Variants in RAB7A observed in about 807,000 individuals in gnomAD.
RAB7A encodes the protein ras-related protein Rab-7a.
A neutral mutation model predicts 24.5 loss-of-function variants in RAB7A; 2 were observed. The observed-to-expected ratio is 0.08, with a 90% CI of 0.03 to 0.26. The LOEUF is 0.26. Ranked by LOEUF, RAB7A falls within the 10% of genes least tolerant of loss-of-function variation. The pLI, the probability that RAB7A is intolerant of heterozygous loss-of-function variation, is 1.00. For missense variants in RAB7A, 118 were observed against 255.7 expected (o/e 0.46, Z 3.67); for synonymous variants, 100 against 95.9 (o/e 1.04, Z -0.25).
intron 1 of RAB7A, among the ~76,000 whole-genome samples, chr3:128,785,682 G>C (rs946143112): frequency 6.7e-6 from 1 of 148,936 alleles, no homozygotes; most frequent in African/African-American, 2.5e-5. Context: ...CCTGGAGGGG[G>C]AAGTTGCAGT....
At chr3:128,736,382 T>C (rs535762140) in intron 1 of RAB7A, among the ~76,000 whole-genome samples, 2 of 152,366 alleles carry the variant, frequency 1.3e-5, no homozygotes, top group African/African-American at 4.8e-5. Flanking sequence ...CAGACTAGTC[T>C]GTTTCTTTTG....
intron 1 of RAB7A, among the ~76,000 whole-genome samples, chr3:128,763,509 G>A (rs1336436106): frequency 1.3e-5 from 2 of 152,142 alleles, no homozygotes; most frequent in African/African-American, 4.8e-5. Context: ...GAGCCACCAA[G>A]CCCGGCCTAG....
chr3:128,763,875 C>CCCG (rs1553718995), intron 1 of RAB7A, among the ~76,000 whole-genome samples: 2 of 120,072 alleles, frequency 1.7e-5, no homozygotes, highest in African/African-American at 5.9e-5. Context: ...CCCCCCCCCC[C>CCCG]GCCCCTGCTT....
chr3:128,781,778 C>A lies in RAB7A; in HGVS notation c.-8-13582C>A, dbSNP rs182195309. ...ACTGTAATCCCAGCACTTTGGGAGGCCGAGGCGCTGAATTACCTGAGGCCA... is the reference window on the plus strand; with the variant it reads ...ACTGTAATCCCAGCACTTTGGGAGGACGAGGCGCTGAATTACCTGAGGCCA... On this transcript the variant is annotated intron_variant, in intron 1 of 5. Coordinates refer to ENST00000265062, the MANE Select transcript of RAB7A (RefSeq NM_004637.6). Among the ~76,000 whole-genome samples, 12 of 152,208 alleles carry A rather than the reference C, an allele frequency of 7.9e-5. No individual in the cohort carries two copies. In the East Asian group the frequency reaches 2.3e-3, roughly 29 times the overall value.
chr3:128,799,727 A>G (rs1172796988), intron 3 of RAB7A, among the ~76,000 whole-genome samples: 1 of 152,202 alleles, frequency 6.6e-6, no homozygotes, highest in Non-Finnish European at 1.5e-5. Context: ...TTGGCCCAAG[A>G]AATTGGCAAA....
At chr3:128,732,732 C>T (rs752996613) in intron 1 of RAB7A, among the ~76,000 whole-genome samples, 3 of 152,104 alleles carry the variant, frequency 2.0e-5, no homozygotes, top group Non-Finnish European at 4.4e-5. Flanking sequence ...GAGGCTGAGA[C>T]GGGAGGATCA....
intron 1 of RAB7A, among the ~76,000 whole-genome samples, chr3:128,776,986 A>ACACACACC (rs1471733251): frequency 7.6e-6 from 1 of 132,104 alleles, no homozygotes; most frequent in Non-Finnish European, 1.7e-5. Context: ...ACACACACAC[A>ACACACACC]CCCCTATTAG....
chr3:128,765,151 G>C (rs999664009), intron 1 of RAB7A: 15 of 699,482 alleles, frequency 2.1e-5, no homozygotes, highest in Non-Finnish European at 3.9e-5. Flanking sequence ...GGTGGGGGAC[G>C]AGCGCTGGGT....
chr3:128,782,643 G>T (rs956320998), intron 1 of RAB7A, among the ~76,000 whole-genome samples: 2 of 126,708 alleles, frequency 1.6e-5, no homozygotes, highest in Admixed American at 2.0e-4. Flanking sequence ...ATGCAGGGCT[G>T]TCAGCAGAAT....
intron 1 of RAB7A, among the ~76,000 whole-genome samples, chr3:128,754,057 G>A (rs527539007): frequency 5.5e-4 from 83 of 152,144 alleles, no homozygotes; most frequent in Non-Finnish European, 7.5e-4. Flanking sequence ...CCTTCATGAA[G>A]GAAGTCATGA....
chr3:128,798,820 TTAAAAA>T (rs1933633756), intron 3 of RAB7A: 31 of 167,820 alleles, frequency 1.8e-4, no homozygotes, highest in Middle Eastern at 2.2e-3. Context: ...GTCTCTAAAT[TTAAAAA>T]AAAAAAAAAA....
At chr3:128,743,790 CTCTTT>C (rs1408328481) in intron 1 of RAB7A, among the ~76,000 whole-genome samples, 3 of 140,692 alleles carry the variant, frequency 2.1e-5, no homozygotes, top group Admixed American at 1.4e-4. Flanking sequence ...ATTTCTCTCT[CTCTTT>C]TTTTTTTTTT....
intron 1 of RAB7A, among the ~76,000 whole-genome samples, chr3:128,741,268 T>C (rs974400983): frequency 2.0e-5 from 3 of 152,176 alleles, no homozygotes; most frequent in Non-Finnish European, 4.4e-5. Flanking sequence ...GTTTGGCTGA[T>C]GGCATGTTTT....
chr3:128,767,559 G>A (rs958319809), intron 1 of RAB7A, among the ~76,000 whole-genome samples: 3 of 152,228 alleles, frequency 2.0e-5, no homozygotes, highest in African/African-American at 7.2e-5. Flanking sequence ...TATGGCTGGG[G>A]CTAAACCAGA....
At chr3:128,792,820 TA>T (rs1553721720) in intron 1 of RAB7A, among the ~76,000 whole-genome samples, 26 of 24,518 alleles carry the variant, frequency 1.1e-3, no homozygotes, top group Non-Finnish European at 5.0e-4. Context: ...AGCTAATTTT[TA>T]TTTATTTATT....
At position 128,803,864 on chromosome 3, in the gene RAB7A, AAC is replaced by A. The variant is rs548524400; in HGVS notation, c.181-2506_181-2505del. 2.1e-3 allele frequency among the ~76,000 whole-genome samples: 318 copies of A among 152,354 alleles called. 13 individuals are homozygous for A. The highest frequency in any genetic ancestry group is 0.02 in the Admixed American group (313 of 15,302). On this transcript the variant is annotated intron_variant, in intron 3 of 5. Coordinates refer to ENST00000265062, the MANE Select transcript of RAB7A (RefSeq NM_004637.6). ...ACTCTTGGAAAAAACGGATAAAAAT[AAC>A]AGTGTTAATTTTTGTCACATCAGAA...
intron 1 of RAB7A, among the ~76,000 whole-genome samples, chr3:128,737,109 C>T (rs2070497016): frequency 6.6e-6 from 1 of 151,722 alleles, no homozygotes; most frequent in East Asian, 1.9e-4. Flanking sequence ...GCGATCTTGG[C>T]TCACTGCAAG....
intron 1 of RAB7A, among the ~76,000 whole-genome samples, chr3:128,774,016 G>C (rs950240544): frequency 2.2e-4 from 33 of 147,428 alleles, no homozygotes; most frequent in African/African-American, 5.0e-4. Flanking sequence ...GACCTTCCCT[G>C]CACTATTGTC....
intron 1 of RAB7A, among the ~76,000 whole-genome samples, chr3:128,788,936 G>A (rs144374302): frequency 5.5e-4 from 83 of 152,280 alleles, no homozygotes; most frequent in African/African-American, 2.0e-3. Flanking sequence ...ATGACTGCAG[G>A]CGAATAAAGG....
Sources: gnomAD v4.1 joint callset for allele counts (sites outside exome capture counted in the v4.1 genomes callset) on GRCh38, gnomAD v4.1.1 for gene constraint, MANE v1.5 for transcripts, NCBI Gene and HGNC (gene_info 2026-07-23, HGNC 2026-07-21) for gene names.